The following ZGRF1 variants were observed in gnomAD, a reference collection of about 807,000 sequenced individuals.
ZGRF1 encodes the protein zinc finger GRF-type containing 1.
Under a neutral mutation model 203.5 loss-of-function variants are expected in ZGRF1, and 196 were observed. The ratio of observed to expected loss-of-function variants is 0.96; its 90% CI spans 0.86 to 1.08. ZGRF1 has a LOEUF of 1.08. Ranked by LOEUF, ZGRF1 falls within the 50% of genes least tolerant of loss-of-function variation. The pLI is 0.00. For synonymous variants in ZGRF1, 809 were observed against 841.3 expected, an observed-to-expected ratio of 0.96 and a Z score of 0.66; for missense variants, 2,326 against 2,416.3, an observed-to-expected ratio of 0.96 and a Z score of 0.78.
At chr4:112,546,782 C>T (rs1738859932) in intron 24 of ZGRF1, 1 of 152,342 alleles carries the variant, frequency 6.6e-6, no homozygotes, top group African/African-American at 2.4e-5. Flanking sequence ...CCTTCCACCA[C>T]AGGATGACAA....
chr4:112,626,994 C>T (rs1396284068), intron 3 of ZGRF1, among the ~76,000 whole-genome samples: 2 of 151,932 alleles, frequency 1.3e-5, no homozygotes, highest in South Asian at 2.1e-4. Context: ...TTAGTAGAGA[C>T]GGGGTTTCAC....
chr4:112,615,349 T>A, intron 6 of ZGRF1, among the ~76,000 whole-genome samples: 1 of 152,064 alleles, frequency 6.6e-6, no homozygotes, highest in Non-Finnish European at 1.5e-5. Context: ...TGCCTCAGCC[T>A]CCCCAGTAGC....
chr4:112,589,161 A>G (rs1578376453), intron 11 of ZGRF1, among the ~76,000 whole-genome samples: 1 of 152,318 alleles, frequency 6.6e-6, no homozygotes, highest in East Asian at 1.9e-4. Flanking sequence ...AGATTATAAG[A>G]AAAGAGAAAA....
At position 112,619,017 on chromosome 4, in the gene ZGRF1, G is replaced by A. The variant is rs570491695; in HGVS notation, c.1025C>T (p.Thr342Ile). The A allele has an allele frequency of 1.9e-5, 31 of 1,613,876 alleles. No individual in the cohort carries two copies. The South Asian group carries it at 3.2e-4, about 17-fold the overall frequency. The change falls in exon 6 of 28, where the codon ACT becomes ATT. Residue 342 changes from threonine (T) to isoleucine (I), a missense_variant. Thr to Ile is a moderately conservative substitution (Grantham distance 89, BLOSUM62 -1). Transcript: ENST00000505019. ...CCTTTCTGTATCATTCCCATCTACA[G>A]TAGAAGAATGTATAGGTGAACTCTG... Reference protein sequence around the residue: ...SSQSSPIHSSTVDGNDTERKP... With the variant: ...SSQSSPIHSSIVDGNDTERKP...
At chr4:112,631,204 G>A (rs531529099) in intron 3 of ZGRF1, among the ~76,000 whole-genome samples, 7 of 151,808 alleles carry the variant, frequency 4.6e-5, no homozygotes, top group East Asian at 1.9e-4. Context: ...GTCTTGCTTC[G>A]CTGCCCAGGC....
At chr4:112,612,446 T>A (rs2046719362) in intron 7 of ZGRF1, 78 bp downstream of exon 7, 2 of 938,488 alleles carry the variant, frequency 2.1e-6, no homozygotes, top group Non-Finnish European at 3.3e-6. Flanking sequence ...TGGGACTGTA[T>A]TACTATAATT....
intron 7 of ZGRF1, 27 bp from the exon 8 acceptor site, chr4:112,609,456 T>C: frequency 8.2e-7 from 1 of 1,214,890 alleles, no homozygotes; most frequent in Non-Finnish European, 1.2e-6. Context: ...TAATTTTAGA[T>C]AAACTAATAG....
chr4:112,581,671 T>A lies in ZGRF1; in HGVS notation c.4430A>T (p.Tyr1477Phe). 6.3e-7 allele frequency: 1 copy of A among 1,578,458 alleles called. No homozygotes were observed. Among genetic ancestry groups the A allele is most frequent in the Non-Finnish European group, 8.6e-7 (1 of 1,167,356 alleles). Residue 1477 changes from tyrosine (Y) to phenylalanine (F), a missense_variant, in exon 16 of 28, where the codon TAT becomes TTT. Tyr to Phe is a conservative substitution (Grantham distance 22, BLOSUM62 3). Coordinates refer to ENST00000505019, the MANE Select transcript of ZGRF1 (RefSeq NM_018392.5). ...KLSRKERSSA[Y>F]SKNDLWVVSK... is the part of the protein sequence containing the mutation. ...TGATCAGATCAACTTACTTTTGCTA[T>A]AAGCTGAAGATCTTTCCTTCCGACT...
At chr4:112,578,690 C>T (rs1384844136) in intron 16 of ZGRF1, among the ~76,000 whole-genome samples, 5 of 122,546 alleles carry the variant, frequency 4.1e-5, no homozygotes, top group East Asian at 2.4e-4. Flanking sequence ...ATAAATTCCT[C>T]GACACATACA....
At chr4:112,597,648 G>A (rs1046618448) in intron 10 of ZGRF1, among the ~76,000 whole-genome samples, 6 of 152,052 alleles carry the variant, frequency 3.9e-5, no homozygotes, top group Admixed American at 1.3e-4. Flanking sequence ...GGAGGCTGAG[G>A]TGAGTGGATC....
chr4:112,626,997 GGT>G (rs1425375758), intron 3 of ZGRF1, among the ~76,000 whole-genome samples: 1 of 151,916 alleles, frequency 6.6e-6, no homozygotes, highest in Non-Finnish European at 1.5e-5. Flanking sequence ...GTAGAGACGG[GGT>G]TTCACCACGT....
At position 112,618,316 on chromosome 4, in the gene ZGRF1, AC is replaced by A; in HGVS notation, c.1725del (p.Arg575SerfsTer18). ...VNDGNSCFQK[R>X]SENTNCEEIE... ...ATCTCTTCACAGTTTGTATTCTCAG[AC>A]CTCTTTTGAAAACATGAATTGCCAT... On this transcript the variant is annotated frameshift_variant, in exon 6 of 28. Coordinates refer to ENST00000505019, the MANE Select transcript of ZGRF1 (RefSeq NM_018392.5). LOFTEE classifies it high-confidence loss of function. The A allele has an allele frequency of 6.2e-7, 1 of 1,613,802 alleles. No homozygotes were observed. The highest frequency in any genetic ancestry group is 8.5e-7 in the Non-Finnish European group (1 of 1,179,906).
intron 16 of ZGRF1, among the ~76,000 whole-genome samples, chr4:112,563,506 T>C (rs1188855867): frequency 6.6e-6 from 1 of 152,076 alleles, no homozygotes; most frequent in Non-Finnish European, 1.5e-5. Flanking sequence ...ACAGTACCAC[T>C]TGAATCACAC....
At chr4:112,562,011 G>C (rs1363783064) in intron 18 of ZGRF1, among the ~76,000 whole-genome samples, 1 of 143,764 alleles carries the variant, frequency 7.0e-6, no homozygotes, top group African/African-American at 2.6e-5. Flanking sequence ...CCAGGTTCAA[G>C]CAATTCTCCT....
intron 22 of ZGRF1, among the ~76,000 whole-genome samples, chr4:112,551,316 T>C (rs769384344): frequency 6.6e-6 from 1 of 152,158 alleles, no homozygotes; most frequent in African/African-American, 2.4e-5. Flanking sequence ...AATGACAAAA[T>C]TGTAAAACAA....
chr4:112,563,283 A>T lies in ZGRF1; in HGVS notation c.4439-9T>A. The T allele has an allele frequency of 6.5e-7, 1 of 1,546,794 alleles. No homozygotes were observed. The highest frequency in any genetic ancestry group is 8.7e-7 in the Non-Finnish European group (1 of 1,144,054). On this transcript the variant is annotated splice_polypyrimidine_tract_variant and intron_variant, in intron 16 of 27. Transcript: ENST00000505019. Reference sequence around the variant, plus strand: ...AACCACCCAAAGATCATCTGAAAAGACAAACATTTTTAAATATTACACAGA... The same window carrying T: ...AACCACCCAAAGATCATCTGAAAAGTCAAACATTTTTAAATATTACACAGA...
chr4:112,561,911 CTTTTT>C (rs11385405), intron 18 of ZGRF1, among the ~76,000 whole-genome samples: 11 of 108,172 alleles, frequency 1.0e-4, no homozygotes, highest in Admixed American at 3.5e-4. Context: ...TTCCTTTTCT[CTTTTT>C]TTTTTTTTTT....
Position 112,579,966 on chromosome 4 carries a change from T to A in ZGRF1, c.4438+1697A>T, listed in dbSNP as rs1291858436. Among the ~76,000 whole-genome samples, 5 of 123,060 alleles carry A rather than the reference T, an allele frequency of 4.1e-5. 1 individual carries two copies. Among genetic ancestry groups the A allele is most frequent in the Non-Finnish European group, 3.6e-5 (2 of 55,066 alleles). 80.7% of individuals were successfully genotyped at this position (123,060 alleles called of 152,430 possible). The stretch of plus-strand genomic sequence containing the variant: ...CCAAAAAAGAGCCCACATTGCTAAG[T>A]CGATCCTAAGCCAAAAGAACAAAGC... On this transcript the variant is annotated intron_variant, in intron 16 of 27. Coordinates refer to ENST00000505019, the MANE Select transcript of ZGRF1 (RefSeq NM_018392.5).
chr4:112,635,638 T>C (rs1235637878), intron 1 of ZGRF1, among the ~76,000 whole-genome samples: 1 of 149,176 alleles, frequency 6.7e-6, no homozygotes, highest in Non-Finnish European at 1.5e-5. Flanking sequence ...TATATTACTG[T>C]ATTATGTAAT....
Sources: allele counts gnomAD v4.1 joint callset (sites outside exome capture counted in the v4.1 genomes callset), GRCh38; gene constraint gnomAD v4.1.1; transcripts MANE v1.5; gene names NCBI Gene and HGNC (gene_info 2026-07-23, HGNC 2026-07-21).